Variants in SLC12A3 observed in about 807,000 individuals in gnomAD.
SLC12A3 encodes the protein Na-Cl cotransporter.
SLC12A3 carries 104 observed loss-of-function variants against 121.0 expected under a neutral mutation model. The ratio of observed to expected loss-of-function variants is 0.86; its 90% CI spans 0.73 to 1.01. SLC12A3 has a LOEUF of 1.01. SLC12A3 is among the 50% of genes least tolerant of loss of function. SLC12A3 has a pLI of 0.00. For missense variants in SLC12A3, 1,328 were observed against 1,356.3 expected (o/e 0.98, Z 0.33); for synonymous variants, 536 against 533.4 (o/e 1.00, Z -0.07).
intron 17 of SLC12A3, 131 bp from the exon 18 acceptor site, chr16:56,887,794 A>AT (rs2055335874): frequency 1.9e-5 from 2 of 102,632 alleles, no homozygotes; most frequent in African/African-American, 8.4e-5. Flanking sequence ...ATATATATAT[A>AT]TATATTTTTT....
In SLC12A3 at chr16:56,915,798, C is replaced by T. The variant is rs1224056300; in HGVS notation, c.*2393C>T. ...GTAAAAAAATAAAAAGCTTTAACAGCGAGGCCATAAACAATGAAATGAATA... is the reference window on the plus strand; with the variant it reads ...GTAAAAAAATAAAAAGCTTTAACAGTGAGGCCATAAACAATGAAATGAATA... On this transcript the variant is annotated 3_prime_UTR_variant, in exon 26 of 26. Coordinates refer to ENST00000563236, the MANE Select transcript of SLC12A3 (RefSeq NM_001126108.2). 1.3e-5 allele frequency: 2 copies of T among 152,104 alleles called. No homozygotes were observed. Among genetic ancestry groups the T allele is most frequent in the African/African-American group, 4.8e-5 (2 of 41,408 alleles). The allele number at this position is 152,104 out of a possible 1,614,324, so 9.4% of individuals were successfully genotyped here. A position where few individuals can be genotyped will look rare whatever the true frequency, so the allele number is the denominator to read the frequency against.
At chr16:56,880,870 T>C (rs959554789) in intron 12 of SLC12A3, among the ~76,000 whole-genome samples, 1 of 152,212 alleles carries the variant, frequency 6.6e-6, no homozygotes. Flanking sequence ...ATTTTTCTCA[T>C]CTGCAGAATG....
chr16:56,902,533 A>G, intron 24 of SLC12A3, 25 bp downstream of exon 24: 1 of 1,561,926 alleles, frequency 6.4e-7, no homozygotes, highest in Non-Finnish European at 8.8e-7. Flanking sequence ...GGGGGTGGGA[A>G]ACGCGACACA....
intron 22 of SLC12A3, among the ~76,000 whole-genome samples, chr16:56,898,068 C>T (rs1489976145): frequency 6.6e-6 from 1 of 152,158 alleles, no homozygotes; most frequent in African/African-American, 2.4e-5. Flanking sequence ...CCCCCTGCAC[C>T]CCGATGCCTT....
At chr16:56,901,223 C>G (rs1454460703) in intron 23 of SLC12A3, among the ~76,000 whole-genome samples, 1 of 152,186 alleles carries the variant, frequency 6.6e-6, no homozygotes, top group Non-Finnish European at 1.5e-5. Context: ...TTGCTGGCAT[C>G]CTTGGGGTTT....
chr16:56,893,697 G>A (rs1028655304), intron 21 of SLC12A3, among the ~76,000 whole-genome samples: 6 of 152,188 alleles, frequency 3.9e-5, no homozygotes, highest in African/African-American at 1.4e-4. Flanking sequence ...GCTCCCACAC[G>A]CTGGTCAAAT....
intron 3 of SLC12A3, 75 bp from the exon 4 acceptor site, chr16:56,869,654 C>G (rs979984547): frequency 5.1e-5 from 59 of 1,154,196 alleles, no homozygotes; most frequent in Non-Finnish European, 7.6e-5. Context: ...ACGTAGGTCG[C>G]ATGGTGAATG....
In SLC12A3 at chr16:56,869,756, C is replaced by G; in HGVS notation, c.533C>G (p.Ser178Trp). 6.2e-7 allele frequency: 1 copy of G among 1,614,160 alleles called. No individual in the cohort carries two copies. Among genetic ancestry groups the G allele is most frequent in the Non-Finnish European group, 8.5e-7 (1 of 1,180,018 alleles). Residue 178 changes from serine to tryptophan, a missense_variant, in exon 4 of 26, where the codon TCG (serine) becomes TGG (tryptophan). By Grantham distance (177) the Ser-to-Trp change is radical (BLOSUM62 -3). Transcript: ENST00000563236. ...IVLTWIIILL[S>W]VTVTSITGLS... Reference sequence around the variant, plus strand: ...CTGACCTGGATCATCATCCTGCTGTCGGTCACGGTGACCTCCATCACAGGC... The same window carrying G: ...CTGACCTGGATCATCATCCTGCTGTGGGTCACGGTGACCTCCATCACAGGC...
At position 56,914,965 on chromosome 16, in the gene SLC12A3, T is replaced by G. The variant is rs549830332; in HGVS notation, c.*1560T>G. The G allele has an allele frequency of 4.0e-5, 6 of 148,214 alleles. No individual in the cohort carries two copies. The highest frequency in any genetic ancestry group is 7.5e-5 in the African/African-American group (3 of 39,832). The allele number at this position is 148,214 out of a possible 1,614,324, so 9.2% of individuals were successfully genotyped here. On this transcript the variant is annotated 3_prime_UTR_variant, in exon 26 of 26. Coordinates refer to ENST00000563236, the MANE Select transcript of SLC12A3 (RefSeq NM_001126108.2). ...GCTGGCAGGGAGGGGCTGTTAAGAG[T>G]GGGGTTGGAGGTGGGAGAGAAGCTA...
chr16:56,892,202 GGGGT>G, intron 20 of SLC12A3, 69 bp downstream of exon 20: 4 of 1,427,296 alleles, frequency 2.8e-6, no homozygotes, highest in Non-Finnish European at 4.0e-6. Context: ...CTAGCCCTGT[GGGGT>G]GGCTAGGGGT....
chr16:56,890,183 G>A, intron 18 of SLC12A3, 91 bp from the exon 19 acceptor site: 1 of 944,282 alleles, frequency 1.1e-6, no homozygotes, highest in Non-Finnish European at 1.7e-6. Flanking sequence ...AGGAAGCAGA[G>A]CCAACTCTAG....
At chr16:56,904,618 A>G in intron 25 of SLC12A3, 156 bp downstream of exon 25, 1 of 730,210 alleles carries the variant, frequency 1.4e-6, no homozygotes, top group Non-Finnish European at 2.4e-6. Context: ...GGCGATTCTT[A>G]GCATGTGGCT....
Position 56,869,662 on chromosome 16 carries a change from A to G in SLC12A3, c.506-67A>G, listed in dbSNP as rs548983999. The stretch of plus-strand genomic sequence containing the variant: ...GAGATGAACGTAGGTCGCATGGTGA[A>G]TGAGTAGGCAAACTGGGGCTCCTCC... On this transcript the variant is annotated intron_variant, in intron 3 of 25. Coordinates refer to ENST00000563236, the MANE Select transcript of SLC12A3 (RefSeq NM_001126108.2). 3.1e-6 allele frequency: 4 copies of G among 1,281,562 alleles called. No homozygotes were observed. In the South Asian group the frequency reaches 3.6e-5, roughly 12 times the overall value. 79.4% of individuals were successfully genotyped at this position (1,281,562 alleles called of 1,614,324 possible). A position where few individuals can be genotyped will look rare whatever the true frequency, so the allele number is the denominator to read the frequency against.
Position 56,865,986 on chromosome 16 carries a change from CTTTTCTT to C in SLC12A3, c.282+474_282+480del, listed in dbSNP as rs1177512295. ...GTTCTTTTTTCTTTTCTTTTCTTTT[CTTTTCTT>C]TTTTTTTTTTGAGACGGAGTCTGGC... On this transcript the variant is annotated intron_variant, in intron 1 of 25. Coordinates refer to ENST00000563236, the MANE Select transcript of SLC12A3 (RefSeq NM_001126108.2). 3.2e-4 allele frequency among the ~76,000 whole-genome samples: 30 copies of C among 94,970 alleles called. No individual in the cohort carries two copies. In the Admixed American group the frequency reaches 3.7e-3, roughly 12 times the overall value. 62.3% of individuals were successfully genotyped at this position (94,970 alleles called of 152,430 possible).
intron 6 of SLC12A3, among the ~76,000 whole-genome samples, chr16:56,871,249 G>A (rs571009078): frequency 2.0e-5 from 3 of 152,288 alleles, no homozygotes; most frequent in Admixed American, 6.5e-5. Flanking sequence ...TCCCTGCGCC[G>A]TGGCCTTTGT....
intron 11 of SLC12A3, among the ~76,000 whole-genome samples, 160 bp from the exon 12 acceptor site, chr16:56,879,970 G>A (rs1351031004): frequency 1.3e-5 from 2 of 152,128 alleles, no homozygotes; most frequent in African/African-American, 4.8e-5. Context: ...GGCGGGGAGG[G>A]TGGAGGGGGT....
chr16:56,906,895 TA>T, intron 25 of SLC12A3: 1 of 540,250 alleles, frequency 1.9e-6, no homozygotes. Context: ...AAGGGGACTG[TA>T]AAGGCCACGT....
intron 19 of SLC12A3, 106 bp downstream of exon 19, chr16:56,890,462 A>G (rs1396711896): frequency 1.1e-6 from 1 of 936,994 alleles, no homozygotes; most frequent in Non-Finnish European, 1.7e-6. Flanking sequence ...AGACTCATAG[A>G]AAGTCGCCTC....
rs1380004279 is a variant in SLC12A3 at position 56,879,577 on chromosome 16, C to T, written c.1371C>T (p.Ile457=). The T allele has an allele frequency of 2.5e-6, 4 of 1,613,902 alleles. No homozygotes were observed. In the Middle Eastern group the frequency reaches 4.9e-4, roughly 200 times the overall value. The change falls in exon 11 of 26, where the codon ATC becomes ATT. Residue 457 remains isoleucine (I), a synonymous_variant. Coordinates refer to ENST00000563236, the MANE Select transcript of SLC12A3 (RefSeq NM_001126108.2). The stretch of plus-strand genomic sequence containing the variant: ...TGGTGTCAGGCTTCGCGCCCCTGAT[C>T]ACGGCTGGCATCTTCGGGGCCACCC... The part of the protein sequence containing the change: ...MSMVSGFAPL[I]TAGIFGATLS...
Sources: gnomAD v4.1 joint callset for allele counts (sites outside exome capture counted in the v4.1 genomes callset) on GRCh38, gnomAD v4.1.1 for gene constraint, MANE v1.5 for transcripts, NCBI Gene and HGNC (gene_info 2026-07-23, HGNC 2026-07-21) for gene names.